Variants in NLN observed in about 807,000 individuals in gnomAD.
NLN encodes the protein neurolysin, also known as neurolysin, mitochondrial.
A neutral mutation model predicts 79.9 loss-of-function variants in NLN; 64 were observed. The observed-to-expected ratio is 0.80, with a 90% confidence interval of 0.65 to 0.99. The LOEUF (loss-of-function observed/expected upper bound fraction) is 0.99. Among genes scored for constraint, NLN ranks in the 50% least tolerant of loss-of-function variants. NLN has a pLI of 0.00. For synonymous variants in NLN, 267 were observed against 296.6 expected (o/e 0.90, Z 1.02); for missense variants, 835 against 858.7 (o/e 0.97, Z 0.34).
chr5:65,767,026 C>T (rs1759466464), intron 3 of NLN, among the ~76,000 whole-genome samples: 1 of 152,226 alleles, frequency 6.6e-6, no homozygotes, highest in African/African-American at 2.4e-5. Flanking sequence ...CTTTCACAGG[C>T]TGATGTTGCC....
intron 1 of NLN, among the ~76,000 whole-genome samples, chr5:65,753,971 GC>G (rs923244980): frequency 6.6e-6 from 1 of 152,016 alleles, no homozygotes; most frequent in Admixed American, 6.6e-5. Flanking sequence ...TTATTATTTT[GC>G]ACCAACACCA....
chr5:65,738,988 T>TTATA (rs375915872), intron 1 of NLN, among the ~76,000 whole-genome samples: 18 of 118,426 alleles, frequency 1.5e-4, no homozygotes, highest in South Asian at 7.2e-4. Context: ...TATTATATAT[T>TTATA]TATATATATT....
intron 1 of NLN, among the ~76,000 whole-genome samples, chr5:65,729,423 G>A (rs1177230432): frequency 1.4e-5 from 2 of 143,314 alleles, no homozygotes; most frequent in South Asian, 2.2e-4. Flanking sequence ...TGCCCGGGCT[G>A]GAGTGCAGTG....
chr5:65,741,345 G>C (rs1012734841), intron 1 of NLN, among the ~76,000 whole-genome samples: 1 of 152,118 alleles, frequency 6.6e-6, no homozygotes, highest in Non-Finnish European at 1.5e-5. Context: ...TCAATCTGTA[G>C]ATCACTTTGT....
At chr5:65,723,913 G>A (rs1443265785) in intron 1 of NLN, among the ~76,000 whole-genome samples, 1 of 148,882 alleles carries the variant, frequency 6.7e-6, no homozygotes, top group Non-Finnish European at 1.5e-5. Flanking sequence ...GCTTCTGTTT[G>A]TGTGGTATAT....
chr5:65,741,727 G>A (rs1226740154), intron 1 of NLN, among the ~76,000 whole-genome samples: 2 of 152,154 alleles, frequency 1.3e-5, no homozygotes, highest in South Asian at 2.1e-4. Context: ...GTGGATAGTC[G>A]CATTAGTAAT....
In NLN at chr5:65,785,828, A is replaced by T; in HGVS notation, c.876A>T (p.Lys292Asn). ...QLLPLRTKVA[K>N]LLGYSTHADF... ...TCCCACTGCGAACCAAGGTGGCCAA[A>T]CTACTCGGTTATAGCACACATGCTG... The change falls in exon 7 of 13, where the codon AAA becomes AAT. Residue 292 changes from lysine to asparagine, a missense_variant. By Grantham distance (94) the Lys-to-Asn change is moderately conservative. Coordinates refer to ENST00000380985, the MANE Select transcript of NLN (RefSeq NM_020726.5). 1 of 1,613,888 alleles carries T rather than the reference A, an allele frequency of 6.2e-7. No homozygotes were observed. Among genetic ancestry groups the T allele is most frequent in the Non-Finnish European group, 8.5e-7 (1 of 1,179,840 alleles).
intron 9 of NLN, among the ~76,000 whole-genome samples, chr5:65,807,193 A>T (rs1249147425): frequency 6.6e-6 from 1 of 151,160 alleles, no homozygotes; most frequent in Non-Finnish European, 1.5e-5. Flanking sequence ...AAAAAAAGAA[A>T]GAAAGAAAAG....
rs149642804 is a variant in NLN at position 65,822,836 on chromosome 5, T to C, written c.2036T>C (p.Met679Thr). The C allele has an allele frequency of 2.5e-6, 4 of 1,612,064 alleles. No homozygotes were observed. In the African/African-American group the frequency reaches 4.0e-5, roughly 16 times the overall value. The change falls in exon 13 of 13, where the codon ATG becomes ACG. Residue 679 changes from methionine to threonine, a missense_variant. Met to Thr is a moderately conservative substitution (Grantham distance 81). Transcript: ENST00000380985. Reference protein sequence around the residue: ...ILKPGGSLDGMDMLHNFLKRE... With the variant: ...ILKPGGSLDGTDMLHNFLKRE... Reference sequence around the variant, plus strand: ...AAACCTGGGGGATCTCTGGACGGCATGGACATGCTCCACAATTTCTTGAAA... The same window carrying C: ...AAACCTGGGGGATCTCTGGACGGCACGGACATGCTCCACAATTTCTTGAAA...
intron 1 of NLN, among the ~76,000 whole-genome samples, chr5:65,748,253 G>A (rs986275034): frequency 2.6e-5 from 4 of 152,134 alleles, no homozygotes; most frequent in African/African-American, 9.7e-5. Context: ...TGAGCTGTGG[G>A]AGAAGTCTGT....
In NLN at chr5:65,824,300, A is replaced by T. The variant is rs527604845; in HGVS notation, c.*1385A>T. 6.6e-6 allele frequency: 1 copy of T among 152,308 alleles called. No homozygotes were observed. Among genetic ancestry groups the T allele is most frequent in the South Asian group, 2.1e-4 (1 of 4,830 alleles). 9.4% of individuals were successfully genotyped at this position (152,308 alleles called of 1,614,324 possible). ...GCTAAATAAAAAATTATTATACTAC[A>T]TAATAAAGTTACAGATAGCAGGAAA... is the stretch of plus-strand genomic sequence containing the variant. On this transcript the variant is annotated 3_prime_UTR_variant, in exon 13 of 13. Transcript: ENST00000380985.
intron 12 of NLN, among the ~76,000 whole-genome samples, chr5:65,816,072 C>T (rs1001460627): frequency 6.6e-6 from 1 of 151,748 alleles, no homozygotes; most frequent in Non-Finnish European, 1.5e-5. Flanking sequence ...CAATGTATAC[C>T]ACGGAATACA....
At chr5:65,773,975 T>C (rs188765907) in intron 3 of NLN, among the ~76,000 whole-genome samples, 1 of 151,706 alleles carries the variant, frequency 6.6e-6, no homozygotes, top group East Asian at 1.9e-4. Flanking sequence ...TCAATTTTTG[T>C]GATAAAATTT....
At chr5:65,738,576 AAAAAT>A (rs1239588420) in intron 1 of NLN, among the ~76,000 whole-genome samples, 10 of 152,122 alleles carry the variant, frequency 6.6e-5, no homozygotes, top group Admixed American at 3.9e-4. Flanking sequence ...CTGTTTCCAA[AAAAAT>A]AAAATAAAAC....
intron 1 of NLN, among the ~76,000 whole-genome samples, chr5:65,724,592 A>G (rs774883452): frequency 6.6e-6 from 1 of 152,002 alleles, no homozygotes; most frequent in Non-Finnish European, 1.5e-5. Context: ...ATTCTTTGGG[A>G]TACTGTATGT....
intron 9 of NLN, among the ~76,000 whole-genome samples, chr5:65,804,864 A>T (rs1307917168): frequency 1.3e-5 from 2 of 152,104 alleles, no homozygotes; most frequent in African/African-American, 4.8e-5. Flanking sequence ...TGTTATGGTG[A>T]TCTGTGATCA....
chr5:65,741,796 G>A (rs542791251), intron 1 of NLN, among the ~76,000 whole-genome samples: 2 of 152,136 alleles, frequency 1.3e-5, no homozygotes, highest in Non-Finnish European at 2.9e-5. Context: ...ATGCTCTGTG[G>A]TCTCAGTTGG....
intron 6 of NLN, among the ~76,000 whole-genome samples, chr5:65,784,707 G>T (rs73101510): frequency 0.071 from 10,750 of 152,208 alleles, 1,206 homozygotes; most frequent in African/African-American, 0.24. Context: ...CATAGCATGT[G>T]GCATTAAGTA....
rs898170415 is a variant in NLN at position 65,826,653 on chromosome 5, C to G, written c.*3738C>G. On this transcript the variant is annotated 3_prime_UTR_variant, in exon 13 of 13. Transcript: ENST00000380985. Reference sequence around the variant, plus strand: ...AATGTGGTGGCTCACACCTGTAATCCTAACACTTTGGAAGGTTGAGGCAGG... The same window carrying G: ...AATGTGGTGGCTCACACCTGTAATCGTAACACTTTGGAAGGTTGAGGCAGG... 6.6e-6 allele frequency: 1 copy of G among 152,204 alleles called. No individual in the cohort carries two copies. Among genetic ancestry groups the G allele is most frequent in the African/African-American group, 2.4e-5 (1 of 41,452 alleles). 9.4% of individuals were successfully genotyped at this position (152,204 alleles called of 1,614,324 possible). A position where few individuals can be genotyped will look rare whatever the true frequency, so the allele number is the denominator to read the frequency against.
Sources: gnomAD v4.1 joint callset for allele counts (sites outside exome capture counted in the v4.1 genomes callset) on GRCh38, gnomAD v4.1.1 for gene constraint, MANE v1.5 for transcripts, NCBI Gene and HGNC (gene_info 2026-07-23, HGNC 2026-07-21) for gene names.